Variants in SUSD4 observed in about 807,000 individuals in gnomAD.
SUSD4 encodes the protein sushi domain containing 4.
A neutral mutation model predicts 50.5 loss-of-function variants in SUSD4; 41 were observed. The ratio of observed to expected loss-of-function variants is 0.81; its 90% confidence interval spans 0.63 to 1.05. The LOEUF (loss-of-function observed/expected upper bound fraction) is 1.05. Ranked by LOEUF, SUSD4 falls within the 50% of genes least tolerant of loss-of-function variation. SUSD4 has a pLI of 0.00. For missense variants in SUSD4, 580 were observed against 634.7 expected (o/e 0.91, Z 0.93); for synonymous variants, 257 against 257.3 (o/e 1.00, Z 0.01).
chr1:223,362,934 C>G (rs1669071479), intron 2 of SUSD4, among the ~76,000 whole-genome samples: 1 of 19,356 alleles, frequency 5.2e-5, no homozygotes, highest in Non-Finnish European at 1.8e-4. Flanking sequence ...ACTGCCCCCA[C>G]CCCCCACCCC....
intron 4 of SUSD4, among the ~76,000 whole-genome samples, chr1:223,265,566 G>A (rs906321685): frequency 2.0e-5 from 3 of 152,164 alleles, no homozygotes; most frequent in Non-Finnish European, 4.4e-5. Context: ...CCAGGCTCGG[G>A]ACCACACTCA....
rs542643072 is a variant in SUSD4 at position 223,224,207 on chromosome 1, C to T, written c.1062-576G>A. Among the ~76,000 whole-genome samples, 29 of 152,262 alleles carry T rather than the reference C, an allele frequency of 1.9e-4. 1 individual carries two copies. The East Asian group carries it at 4.6e-3, about 24-fold the overall frequency. The stretch of plus-strand genomic sequence containing the variant: ...AAAATGTTAGCCACATGTGGTGGCA[C>T]GTGCCTGTAGCCCTAGCTATTCAAG... On this transcript the variant is annotated intron_variant, in intron 7 of 8. Coordinates refer to ENST00000366878, the MANE Select transcript of SUSD4 (RefSeq NM_017982.4).
chr1:223,233,685 C>T (rs544351022), intron 5 of SUSD4, among the ~76,000 whole-genome samples: 1 of 152,308 alleles, frequency 6.6e-6, no homozygotes, highest in East Asian at 1.9e-4. Context: ...TAAAAGTGGA[C>T]CGGGCTATGG....
chr1:223,223,461 G>C lies in SUSD4; in HGVS notation c.1232C>G (p.Pro411Arg). The C allele has an allele frequency of 5.6e-6, 9 of 1,614,080 alleles. No individual in the cohort carries two copies. The highest frequency in any genetic ancestry group is 7.6e-6 in the Non-Finnish European group (9 of 1,179,998). ...GTCCCCTGAGCCGGGGTATGCTGGGGGGCTCTGGTCGTCCACGGGTAAGGG... is the reference window on the plus strand; with the variant it reads ...GTCCCCTGAGCCGGGGTATGCTGGGCGGCTCTGGTCGTCCACGGGTAAGGG... ...GCPLPVDDQS[P>R]PAYPGSGDTD... Residue 411 changes from proline to arginine, a missense_variant, in exon 8 of 9, where the codon CCC becomes CGC. Physicochemically the swap from Pro to Arg is moderately radical, Grantham distance 103. Coordinates refer to ENST00000366878, the MANE Select transcript of SUSD4 (RefSeq NM_017982.4).
At chr1:223,310,112 G>C (rs920942367) in intron 2 of SUSD4, among the ~76,000 whole-genome samples, 2 of 152,182 alleles carry the variant, frequency 1.3e-5, no homozygotes, top group Non-Finnish European at 2.9e-5. Context: ...CATGGTCCTG[G>C]AGGGCCATTT....
At position 223,268,011 on chromosome 1, in the gene SUSD4, TTTTATA is replaced by T. The variant is rs1266641940; in HGVS notation, c.535+485_535+490del. On this transcript the variant is annotated intron_variant, in intron 4 of 8. Coordinates refer to ENST00000366878, the MANE Select transcript of SUSD4 (RefSeq NM_017982.4). ...ATAATTTTTCTGCTCTTCATGCATTTTTTATATATATATATATATATATATATATAT... is the reference window on the plus strand; with the variant it reads ...ATAATTTTTCTGCTCTTCATGCATTTTATATATATATATATATATATATAT... Among the ~76,000 whole-genome samples, 12 of 7,664 alleles carry T rather than the reference TTTTATA, an allele frequency of 1.6e-3. 3 individuals are homozygous for T. Among genetic ancestry groups the T allele is most frequent in the East Asian group, 0.012 (1 of 82 alleles). 5.0% of individuals were successfully genotyped at this position (7,664 alleles called of 152,430 possible).
chr1:223,268,886 A>T (rs1571930067), intron 3 of SUSD4, among the ~76,000 whole-genome samples: 1 of 152,276 alleles, frequency 6.6e-6, no homozygotes, highest in South Asian at 2.1e-4. Context: ...AAAAAGAGGG[A>T]CCCAGGGCGT....
At position 223,263,543 on chromosome 1, in the gene SUSD4, G is replaced by A. The variant is rs1662270000; in HGVS notation, c.724+1087C>T. 4.1e-6 allele frequency: 4 copies of A among 985,192 alleles called. No individual in the cohort carries two copies. In the South Asian group the frequency reaches 1.4e-4, roughly 35 times the overall value. The allele number at this position is 985,192 out of a possible 1,614,324, so 61.0% of individuals were successfully genotyped here. A position where few individuals can be genotyped will look rare whatever the true frequency, so the allele number is the denominator to read the frequency against. On this transcript the variant is annotated intron_variant, in intron 5 of 8. Transcript: ENST00000366878. ...CGATGGGTGGGAAGTGGAGTGAGGG[G>A]AGTTCTAATGATCAGCCTAGGAGTA... is the stretch of plus-strand genomic sequence containing the variant.
chr1:223,223,511 G>A lies in SUSD4; in HGVS notation c.1182C>T (p.Tyr394=). 6.2e-7 allele frequency: 1 copy of A among 1,613,038 alleles called. No individual in the cohort carries two copies. The change falls in exon 8 of 9, where the codon TAC becomes TAT. Residue 394 remains tyrosine, a synonymous_variant. Transcript: ENST00000366878. ...GGCAGCCCTGGCCCACAGAGGCCAT[G>A]TACCCGGGGCCTAAGGCACTCAAGC... The part of the protein sequence containing the change: ...SGGLSALGPG[Y]MASVGQGCPL...
At chr1:223,297,170 G>T (rs1319654623) in intron 2 of SUSD4, among the ~76,000 whole-genome samples, 2 of 152,348 alleles carry the variant, frequency 1.3e-5, no homozygotes, top group African/African-American at 4.8e-5. Context: ...CCATGCAGCT[G>T]CAGGGACAGG....
chr1:223,264,760 G>A lies in SUSD4; in HGVS notation c.594C>T (p.Thr198=), dbSNP rs767475144. Residue 198 remains threonine (T), a synonymous_variant, in exon 5 of 9, where the codon ACC becomes ACT. Transcript: ENST00000366878. ...NGYVNISELQ[T]SFPVGTVISY... is the part of the protein sequence containing the mutation. The stretch of plus-strand genomic sequence containing the variant: ...AGATCACAGTCCCCACCGGGAAGGA[G>A]GTCTGGAGCTCAGAGATGTTTACAT... The A allele has an allele frequency of 1.9e-6, 3 of 1,614,210 alleles. No individual in the cohort carries two copies. Among genetic ancestry groups the A allele is most frequent in the Non-Finnish European group, 2.5e-6 (3 of 1,180,038 alleles).
At chr1:223,337,763 T>C (rs1364604769) in intron 2 of SUSD4, among the ~76,000 whole-genome samples, 1 of 152,144 alleles carries the variant, frequency 6.6e-6, no homozygotes, top group Non-Finnish European at 1.5e-5. Context: ...GTGGCTTTTG[T>C]TCTCAAGAGG....
intron 2 of SUSD4, among the ~76,000 whole-genome samples, chr1:223,340,841 T>C (rs1260322881): frequency 1.3e-5 from 2 of 152,190 alleles, no homozygotes; most frequent in African/African-American, 4.8e-5. Context: ...TAAATCTCTA[T>C]TGTTTCAGAA....
intron 2 of SUSD4, among the ~76,000 whole-genome samples, chr1:223,352,918 G>A (rs541724457): frequency 6.6e-6 from 1 of 151,980 alleles, no homozygotes; most frequent in South Asian, 2.1e-4. Context: ...GCAGAGCAAG[G>A]GATGCATGGA....
Position 223,229,300 on chromosome 1 carries a change from C to G in SUSD4, c.813G>C (p.Glu271Asp). The change falls in exon 6 of 9, where the codon GAG (glutamate) becomes GAC (aspartate). Residue 271 changes from glutamate (E) to aspartate (D), a missense_variant. Coordinates refer to ENST00000366878, the MANE Select transcript of SUSD4 (RefSeq NM_017982.4). This position sits in a 1 kb window ranked among gnomAD's most constrained non-coding sequence, Gnocchi z 4.7. ...CERYNHGTVV[E>D]FYCDPGYSLT... is the part of the protein sequence containing the mutation. ...GGCTGTAGCCAGGATCGCAGTAAAA[C>G]TCCACCACAGTTCCGTGGTTGTAGC... 6.2e-7 allele frequency: 1 copy of G among 1,613,320 alleles called. No homozygotes were observed. The highest frequency in any genetic ancestry group is 2.2e-5 in the East Asian group (1 of 44,842).
intron 2 of SUSD4, among the ~76,000 whole-genome samples, chr1:223,301,640 G>A (rs1665203948): frequency 6.6e-6 from 1 of 152,118 alleles, no homozygotes; most frequent in Non-Finnish European, 1.5e-5. Flanking sequence ...AGCAATGCAG[G>A]TAAACCACCC....
At chr1:223,239,184 T>C (rs1353069468) in intron 5 of SUSD4, among the ~76,000 whole-genome samples, 3 of 152,070 alleles carry the variant, frequency 2.0e-5, no homozygotes, top group African/African-American at 7.2e-5. Context: ...GTTAGCAGGG[T>C]ACATTTTTTT....
intron 4 of SUSD4, among the ~76,000 whole-genome samples, chr1:223,266,531 T>C (rs968382105): frequency 6.6e-6 from 1 of 152,192 alleles, no homozygotes; most frequent in Non-Finnish European, 1.5e-5. Flanking sequence ...TTCTCTCAAA[T>C]AAAAACTAAC....
At chr1:223,250,869 C>A (rs1245502987) in intron 5 of SUSD4, among the ~76,000 whole-genome samples, 1 of 152,134 alleles carries the variant, frequency 6.6e-6, no homozygotes, top group Non-Finnish European at 1.5e-5. Context: ...TGCTGGCCAA[C>A]TGGGGTTTGG....
Sources: gnomAD v4.1 joint callset for allele counts (sites outside exome capture counted in the v4.1 genomes callset) on GRCh38, gnomAD v4.1.1 for gene constraint, Gnocchi (gnomAD v3.1) non-coding constraint, MANE v1.5 for transcripts, NCBI Gene and HGNC (gene_info 2026-07-23, HGNC 2026-07-21) for gene names.